The following GYS2 variants were observed in gnomAD, a reference collection of about 807,000 sequenced individuals.
The protein encoded by GYS2 is glycogen [starch] synthase, liver.
A neutral mutation model predicts 85.6 loss-of-function variants in GYS2; 80 were observed. That is an observed-to-expected ratio of 0.93 (90% CI 0.78 to 1.13). The LOEUF (loss-of-function observed/expected upper bound fraction) is 1.13, where lower values mean the gene tolerates loss of function less well. GYS2 is among the 50% of genes most tolerant of loss of function. GYS2 has a pLI of 0.00. For synonymous variants in GYS2, 328 were observed against 300.7 expected (o/e 1.09, Z -0.94); for missense variants, 881 against 854.9 (o/e 1.03, Z -0.38).
intron 4 of GYS2, among the ~76,000 whole-genome samples, chr12:21,573,043 T>G (rs1944404152): frequency 6.6e-6 from 1 of 152,218 alleles, no homozygotes; most frequent in Non-Finnish European, 1.5e-5. Flanking sequence ...GATTTTATTT[T>G]AAATGTACAG....
chr12:21,594,300 G>A (rs1012514536), intron 1 of GYS2, among the ~76,000 whole-genome samples: 9 of 152,206 alleles, frequency 5.9e-5, no homozygotes, highest in Middle Eastern at 6.8e-3. Flanking sequence ...AATAGGAAAA[G>A]ATGAAGTCAA....
rs770445648 is a variant in GYS2, at chr12:21,580,380, T to G, written c.265A>C (p.Arg89=). The G allele has an allele frequency of 1.4e-5, 22 of 1,614,006 alleles. No individual in the cohort carries two copies. The East Asian group carries it at 4.9e-4, about 36-fold the overall frequency. Residue 89 remains arginine, a synonymous_variant, in exon 2 of 16, where the codon AGA becomes CGA. Coordinates refer to ENST00000261195, the MANE Select transcript of GYS2 (RefSeq NM_021957.4). ...EQCEPVNDAV[R]RAVDAMNKHG... ...TTATTCATTGCGTCCACTGCTCTTC[T>G]GACAGCATCATTTACAGGTTCACAC... is the stretch of plus-strand genomic sequence containing the variant.
At chr12:21,598,472 AGCCCTTTTTT>A (rs780669767) in intron 1 of GYS2, among the ~76,000 whole-genome samples, 8 of 151,986 alleles carry the variant, frequency 5.3e-5, no homozygotes, top group Non-Finnish European at 1.0e-4. Context: ...ACACCATTTT[AGCCCTTTTTT>A]GTCCTCCCCA....
intron 1 of GYS2, among the ~76,000 whole-genome samples, chr12:21,592,063 A>G (rs997326670): frequency 6.6e-6 from 1 of 151,994 alleles, no homozygotes; most frequent in Non-Finnish European, 1.5e-5. Context: ...TAACTGGTAG[A>G]GCAAAACACA....
rs146198595 is a variant in GYS2 at position 21,595,525 on chromosome 12, C to A, written c.121+8947G>T. Among the ~76,000 whole-genome samples, 304 of 152,296 alleles carry A rather than the reference C, an allele frequency of 2.0e-3. 2 individuals are homozygous for A. Among genetic ancestry groups the A allele is most frequent in the African/African-American group, 6.9e-3 (287 of 41,564 alleles). ...GAAAGGCCCTGGGAGCTCACTGGGT[C>A]CCTGAGCAGGCCATTCCTGCCTGGC... is the stretch of plus-strand genomic sequence containing the variant. On this transcript the variant is annotated intron_variant, in intron 1 of 15. Transcript: ENST00000261195.
intron 1 of GYS2, among the ~76,000 whole-genome samples, chr12:21,594,011 C>T (rs1944668519): frequency 6.6e-6 from 1 of 152,100 alleles, no homozygotes; most frequent in South Asian, 2.1e-4. Context: ...ATATGATCAT[C>T]TCAATAGATA....
chr12:21,552,474 A>G (rs1326546525), intron 11 of GYS2, among the ~76,000 whole-genome samples: 2 of 152,238 alleles, frequency 1.3e-5, no homozygotes, highest in African/African-American at 4.8e-5. Context: ...GTGATTAAAT[A>G]GGCACTTAAA....
At chr12:21,567,256 T>C (rs1362648262) in intron 5 of GYS2, among the ~76,000 whole-genome samples, 1 of 152,146 alleles carries the variant, frequency 6.6e-6, no homozygotes, top group Non-Finnish European at 1.5e-5. Context: ...GAGGAGATGG[T>C]ATGATATTTG....
intron 1 of GYS2, among the ~76,000 whole-genome samples, chr12:21,589,966 T>C (rs542607541): frequency 6.6e-6 from 1 of 152,088 alleles, no homozygotes; most frequent in African/African-American, 2.4e-5. Context: ...CACAGCTGAG[T>C]GCTACTGCTG....
At chr12:21,571,145 G>C (rs1021546441) in intron 4 of GYS2, among the ~76,000 whole-genome samples, 1 of 152,188 alleles carries the variant, frequency 6.6e-6, no homozygotes, top group Admixed American at 6.5e-5. Context: ...GATAGCAAGA[G>C]CCTGGAGACC....
At chr12:21,546,557 C>T in intron 11 of GYS2, 87 bp from the exon 12 acceptor site, 3 of 774,908 alleles carry the variant, frequency 3.9e-6, no homozygotes, top group Non-Finnish European at 6.4e-6. Context: ...TTTCAGTACT[C>T]TACTATAGAA....
At position 21,558,190 on chromosome 12, in the gene GYS2, T is replaced by G. The variant is rs369541626; in HGVS notation, c.1422+10A>C. 1.3e-6 allele frequency: 2 copies of G among 1,505,248 alleles called. No homozygotes were observed. Among genetic ancestry groups the G allele is most frequent in the Non-Finnish European group, 1.9e-6 (2 of 1,080,636 alleles). The allele number at this position is 1,505,248 out of a possible 1,614,324, so 93.2% of individuals were successfully genotyped here. ...AGTTTAAAGTTCGCCACATGAACAA[T>G]TTGTTCTACCTTGACTCTATCTGTG... On this transcript the variant is annotated intron_variant, in intron 11 of 15. Transcript: ENST00000261195.
intron 12 of GYS2, among the ~76,000 whole-genome samples, chr12:21,543,644 G>T (rs1944005049): frequency 6.6e-6 from 1 of 152,024 alleles, no homozygotes; most frequent in Non-Finnish European, 1.5e-5. Context: ...CGTTACATAG[G>T]TATACATGTG....
intron 1 of GYS2, among the ~76,000 whole-genome samples, chr12:21,584,407 AT>A (rs1414234016): frequency 8.6e-6 from 1 of 116,584 alleles, no homozygotes. Flanking sequence ...GCAGAAGAGG[AT>A]TTTAATAATC....
intron 7 of GYS2, among the ~76,000 whole-genome samples, chr12:21,561,574 T>A (rs1166599456): frequency 6.6e-6 from 1 of 152,192 alleles, no homozygotes; most frequent in Non-Finnish European, 1.5e-5. Flanking sequence ...TTATCTTTTA[T>A]GTCTAGTATA....
rs966668719 is a variant in GYS2, at chr12:21,574,138, ATTT to A, written c.678+3_678+5del. On this transcript the variant is annotated splice_donor_5th_base_variant and intron_variant, in intron 4 of 15. Coordinates refer to ENST00000261195, the MANE Select transcript of GYS2 (RefSeq NM_021957.4). ...GAGTAAGAGGGAGGGAGGAAGGAAT[ATTT>A]ACCTTATCAAGATGGTTGTAGAAAT... is the stretch of plus-strand genomic sequence containing the variant. The A allele has an allele frequency of 3.7e-6, 6 of 1,601,966 alleles. No homozygotes were observed. In the African/African-American group the frequency reaches 8.0e-5, roughly 21 times the overall value.
chr12:21,594,534 T>A (rs1040932273), intron 1 of GYS2, among the ~76,000 whole-genome samples: 1 of 152,088 alleles, frequency 6.6e-6, no homozygotes, highest in Non-Finnish European at 1.5e-5. Context: ...GGGATAAATT[T>A]AACCAAGGAA....
At chr12:21,537,851 A>G (rs971837773) in intron 15 of GYS2, among the ~76,000 whole-genome samples, 1 of 151,978 alleles carries the variant, frequency 6.6e-6, no homozygotes, top group Non-Finnish European at 1.5e-5. Flanking sequence ...AAGAAACCAG[A>G]TGAAAAAACA....
At chr12:21,535,684 A>G (rs1943903871), downstream of GYS2, among the ~76,000 whole-genome samples, 3 of 152,196 alleles carry the variant, frequency 2.0e-5, no homozygotes, top group Admixed American at 2.0e-4. Context: ...CGTTGCTGCT[A>G]TTCCATTTTT....
Sources: gnomAD v4.1 joint callset for allele counts (sites outside exome capture counted in the v4.1 genomes callset) on GRCh38, gnomAD v4.1.1 for gene constraint, MANE v1.5 for transcripts, NCBI Gene and HGNC (gene_info 2026-07-23, HGNC 2026-07-21) for gene names.